The following PTPRD variants were observed in gnomAD, a reference collection of about 807,000 sequenced individuals.
PTPRD encodes the protein receptor-type tyrosine-protein phosphatase delta.
A neutral mutation model predicts 214.5 loss-of-function variants in PTPRD; 34 were observed. The ratio of observed to expected loss-of-function variants is 0.16; its 90% CI spans 0.12 to 0.21. The LOEUF (loss-of-function observed/expected upper bound fraction) is 0.21. PTPRD is among the 10% of genes least tolerant of loss of function. The pLI is 1.00. For missense variants in PTPRD, 2,545 were observed against 2,398.7 expected (o/e 1.06, Z -1.27); for synonymous variants, 1,128 against 845.7 (o/e 1.33, Z -5.79).
chr9:9,901,597 C>G (rs2076410030), intron 5 of PTPRD, among the ~76,000 whole-genome samples: 1 of 151,898 alleles, frequency 6.6e-6, no homozygotes, highest in African/African-American at 2.4e-5. Context: ...TAAATAAATT[C>G]TTAATAAAAA....
At chr9:8,710,000 C>T (rs531270201) in intron 12 of PTPRD, among the ~76,000 whole-genome samples, 2 of 152,272 alleles carry the variant, frequency 1.3e-5, no homozygotes, top group East Asian at 1.9e-4. Flanking sequence ...GGACAAATTA[C>T]TTAACCCCTC....
At chr9:10,009,389 G>T (rs749103099) in intron 4 of PTPRD, among the ~76,000 whole-genome samples, 1 of 151,948 alleles carries the variant, frequency 6.6e-6, no homozygotes, top group Admixed American at 6.6e-5. Context: ...GGGTGTGCAC[G>T]GGTTCGGTCC....
intron 3 of PTPRD, among the ~76,000 whole-genome samples, chr9:10,322,643 A>C (rs1376929194): frequency 2.0e-5 from 3 of 152,128 alleles, no homozygotes; most frequent in African/African-American, 7.2e-5. Flanking sequence ...ATTTAGAAAT[A>C]AATTAAAAAG....
At chr9:9,038,555 T>G (rs1326085418) in intron 10 of PTPRD, among the ~76,000 whole-genome samples, 1 of 18,150 alleles carries the variant, frequency 5.5e-5, no homozygotes, top group Non-Finnish European at 2.5e-4. Context: ...TGATAACGGT[T>G]TTTTTTTTTT....
rs150793796 is a variant in PTPRD at position 9,392,595 on chromosome 9, C to G, written c.-203+4854G>C. ...TAAATTTTCAGTTTTGCTACCTTTG[C>G]TGTGACTCTAGGGTAATTTGATAAT... On this transcript the variant is annotated intron_variant, in intron 9 of 45. Transcript: ENST00000381196. Among the ~76,000 whole-genome samples the G allele has an allele frequency of 3.1e-4, 47 of 152,254 alleles. 2 individuals carry two copies. In the East Asian group the frequency reaches 8.1e-3, roughly 26 times the overall value.
rs543540718 is a variant in PTPRD, at chr9:8,749,745, C to T, written c.-103-15799G>A. ...AATGAATTCCTTCATTCTTTTATTC[C>T]ATGAATATTTCTGAATACCAGGCAA... On this transcript the variant is annotated intron_variant, in intron 11 of 45. Coordinates refer to ENST00000381196, the MANE Select transcript of PTPRD (RefSeq NM_002839.4). Among the ~76,000 whole-genome samples the T allele has an allele frequency of 3.3e-3, 505 of 152,204 alleles. 3 individuals are homozygous for T. The highest frequency in any genetic ancestry group is 0.01 in the Middle Eastern group (3 of 294).
intron 2 of PTPRD, among the ~76,000 whole-genome samples, chr9:10,458,786 T>A (rs2098936641): frequency 7.2e-6 from 1 of 138,134 alleles, no homozygotes; most frequent in South Asian, 2.3e-4. Flanking sequence ...GTAGAAAACG[T>A]CAAAGACACC....
chr9:9,942,041 T>C (rs1248046555), intron 4 of PTPRD, among the ~76,000 whole-genome samples: 1 of 152,168 alleles, frequency 6.6e-6, no homozygotes, highest in African/African-American at 2.4e-5. Flanking sequence ...GACTAGGTAA[T>C]GAATTCCTGT....
At chr9:8,653,048 T>C (rs2154346399) in intron 12 of PTPRD, among the ~76,000 whole-genome samples, 1 of 152,324 alleles carries the variant, frequency 6.6e-6, no homozygotes, top group East Asian at 1.9e-4. Flanking sequence ...AAGCTCTCTG[T>C]AGCACCTTTG....
chr9:9,037,684 C>G (rs1225554301), intron 10 of PTPRD, among the ~76,000 whole-genome samples: 1 of 152,130 alleles, frequency 6.6e-6, no homozygotes, highest in African/African-American at 2.4e-5. Context: ...CAAGATTTAT[C>G]AGATGGTACA....
At chr9:9,453,533 C>T (rs749425634) in intron 8 of PTPRD, among the ~76,000 whole-genome samples, 3 of 151,566 alleles carry the variant, frequency 2.0e-5, no homozygotes, top group Non-Finnish European at 4.4e-5. Flanking sequence ...TATTAAATTA[C>T]AGTCTAAGGG....
chr9:9,171,219 G>C (rs994878104), intron 10 of PTPRD, among the ~76,000 whole-genome samples: 1 of 151,964 alleles, frequency 6.6e-6, no homozygotes, highest in African/African-American at 2.4e-5. Flanking sequence ...GGCATTGAGA[G>C]GTTAATAACT....
intron 8 of PTPRD, among the ~76,000 whole-genome samples, chr9:9,492,339 A>G (rs1240166327): frequency 6.6e-6 from 1 of 151,786 alleles, no homozygotes; most frequent in Non-Finnish European, 1.5e-5. Flanking sequence ...AAAAAAAAAA[A>G]AAACTAACAT....
chr9:9,947,820 ATGG>A (rs1566627948), intron 4 of PTPRD, among the ~76,000 whole-genome samples: 1 of 149,488 alleles, frequency 6.7e-6, no homozygotes, highest in Non-Finnish European at 1.5e-5. Context: ...GATTCAAGTA[ATGG>A]TGCCTACTAA....
At chr9:8,972,435 C>A (rs1447179347) in intron 11 of PTPRD, among the ~76,000 whole-genome samples, 1 of 151,462 alleles carries the variant, frequency 6.6e-6, no homozygotes, top group Non-Finnish European at 1.5e-5. Context: ...ATGAATCAAA[C>A]ATACATACTA....
At chr9:10,420,396 C>A (rs1452907636) in intron 2 of PTPRD, among the ~76,000 whole-genome samples, 1 of 151,814 alleles carries the variant, frequency 6.6e-6, no homozygotes, top group African/African-American at 2.4e-5. Flanking sequence ...TTTCATAGGA[C>A]ATAATTCACC....
chr9:8,735,931 A>C (rs2090235744), intron 11 of PTPRD, among the ~76,000 whole-genome samples: 1 of 150,914 alleles, frequency 6.6e-6, no homozygotes, highest in African/African-American at 2.4e-5. Context: ...AAAAAAAAGA[A>C]GATTCAGACT....
chr9:10,505,403 G>A (rs1357164987), intron 2 of PTPRD, among the ~76,000 whole-genome samples: 4 of 152,276 alleles, frequency 2.6e-5, no homozygotes, highest in South Asian at 2.1e-4. Flanking sequence ...GAGCTCCACT[G>A]ATCCTTTAAG....
intron 33 of PTPRD, among the ~76,000 whole-genome samples, chr9:8,453,843 T>G (rs1564924306): frequency 6.6e-6 from 1 of 152,148 alleles, no homozygotes; most frequent in Admixed American, 6.5e-5. Context: ...TGGCTGCTGG[T>G]CCAGAGGCCA....
Sources: gnomAD v4.1 joint callset for allele counts (sites outside exome capture counted in the v4.1 genomes callset) on GRCh38, gnomAD v4.1.1 for gene constraint, MANE v1.5 for transcripts, NCBI Gene and HGNC (gene_info 2026-07-23, HGNC 2026-07-21) for gene names.